GRHL1: variants seen among roughly 807,000 people sequenced by gnomAD.
GRHL1 encodes grainyhead-like protein 1 homolog.
GRHL1 carries 38 observed loss-of-function variants against 75.7 expected under a neutral mutation model. That is an observed-to-expected ratio of 0.50 (90% CI 0.39 to 0.66). The LOEUF (loss-of-function observed/expected upper bound fraction) is 0.66. GRHL1 is among the 30% of genes least tolerant of loss of function. The pLI is 0.00. For synonymous variants in GRHL1, 266 were observed against 279.4 expected, an observed-to-expected ratio of 0.95 and a Z score of 0.48; for missense variants, 589 against 767.5, an observed-to-expected ratio of 0.77 and a Z score of 2.75.
chr2:9,983,024 T>C (rs1264103845), intron 8 of GRHL1, among the ~76,000 whole-genome samples: 1 of 152,224 alleles, frequency 6.6e-6, no homozygotes, highest in East Asian at 1.9e-4. Flanking sequence ...TGCTTTGATG[T>C]TCAGACCTAA....
intron 12 of GRHL1, among the ~76,000 whole-genome samples, chr2:9,995,597 A>C (rs1668827463): frequency 1.4e-5 from 2 of 146,026 alleles, no homozygotes; most frequent in South Asian, 2.2e-4. Context: ...AAAAAAAAAA[A>C]AAAACCAAAG....
At chr2:9,967,156 T>C (rs2125215907) in intron 8 of GRHL1, among the ~76,000 whole-genome samples, 1 of 152,358 alleles carries the variant, frequency 6.6e-6, no homozygotes, top group East Asian at 1.9e-4. Context: ...CCATAAGTCC[T>C]GAGTTCCCTT....
chr2:9,961,535 A>G (rs1237527141), intron 4 of GRHL1, 99 bp downstream of exon 4: 6 of 1,176,018 alleles, frequency 5.1e-6, no homozygotes, highest in Admixed American at 5.0e-5. Context: ...TCAGCCTGAA[A>G]TGAATGGATT....
At chr2:9,963,497 A>G (rs1046571809) in intron 5 of GRHL1, among the ~76,000 whole-genome samples, 1 of 152,208 alleles carries the variant, frequency 6.6e-6, no homozygotes, top group African/African-American at 2.4e-5. Context: ...AATTACAAGT[A>G]GGAACAACAA....
In GRHL1 at chr2:9,965,299, A is replaced by G; in HGVS notation, c.1028A>G (p.Glu343Gly). 2 of 1,598,606 alleles carry G rather than the reference A, an allele frequency of 1.3e-6. No individual in the cohort carries two copies. Among genetic ancestry groups the G allele is most frequent in the South Asian group, 2.2e-5 (2 of 90,750 alleles). ...CCGCTTCCTGTAGCTGACTATAAAG[A>G]AAGCTTCAACACTATCAGTAACATC... Reference protein sequence around the residue: ...QRCIDIADYKESFNTISNIEE... With the variant: ...QRCIDIADYKGSFNTISNIEE... The change falls in exon 8 of 16, where the codon GAA becomes GGA. Residue 343 changes from glutamate (E) to glycine (G), a missense_variant. By Grantham distance (98) the Glu-to-Gly change is moderately conservative (BLOSUM62 -2). Around this residue, in one of 5 missense-constraint regions of GRHL1, gnomAD observed 362 missense variants for 461.8 expected, o/e 0.78. Transcript: ENST00000324907.
chr2:9,971,692 CTTTATAGGGAATGAATAGTCTTTAGAGTT>C (rs1211814499), intron 8 of GRHL1, among the ~76,000 whole-genome samples: 2 of 152,108 alleles, frequency 1.3e-5, no homozygotes, highest in East Asian at 1.9e-4. Flanking sequence ...AGTCACATTC[CTTTATAGGGAATGAATAGTCTTTAGAGTT>C]GTAGCTTGAC....
chr2:9,996,549 AT>A, intron 14 of GRHL1, 148 bp downstream of exon 14: 1 of 639,998 alleles, frequency 1.6e-6, no homozygotes, highest in Non-Finnish European at 2.8e-6. Context: ...TGCGTCCCAC[AT>A]TTTATCCTCA....
At chr2:9,973,587 T>C (rs1271138090) in intron 8 of GRHL1, among the ~76,000 whole-genome samples, 1 of 152,256 alleles carries the variant, frequency 6.6e-6, no homozygotes, top group African/African-American at 2.4e-5. Flanking sequence ...TCATTCTCTT[T>C]AGTGCTGTTG....
At chr2:9,961,666 C>T (rs1667281140) in intron 4 of GRHL1, among the ~76,000 whole-genome samples, 1 of 152,088 alleles carries the variant, frequency 6.6e-6, no homozygotes, top group African/African-American at 2.4e-5. Context: ...GCTGAGTTAA[C>T]AATTATGATT....
rs1572349400 is a variant in GRHL1 at position 9,968,257 on chromosome 2, T to C, written c.1110+2876T>C. Among the ~76,000 whole-genome samples, 1 of 152,268 alleles carries C rather than the reference T, an allele frequency of 6.6e-6. No individual in the cohort carries two copies. Among genetic ancestry groups the C allele is most frequent in the Non-Finnish European group, 1.5e-5 (1 of 68,044 alleles). The stretch of plus-strand genomic sequence containing the variant: ...CACTCCATTCATCACCATAAACATA[T>C]GTCTGCCATTGTCATGGAAACTTTC... On this transcript the variant is annotated intron_variant, in intron 8 of 15. Transcript: ENST00000324907. This position sits in a 1 kb window ranked among gnomAD's most constrained non-coding sequence, Gnocchi z 4.7.
In GRHL1 at chr2:9,990,926, C is replaced by T. The variant is rs930437762; in HGVS notation, c.1321+179C>T. ...CTCAGATCAGCAGCAGATGCCAGCT[C>T]AGCGGGAGGGGTTTTCCTGGGGACT... is the stretch of plus-strand genomic sequence containing the variant. On this transcript the variant is annotated intron_variant, in intron 10 of 15. Transcript: ENST00000324907. This position sits in a 1 kb window ranked among gnomAD's most constrained non-coding sequence, Gnocchi z 4.2. 1.4e-5 allele frequency among the ~76,000 whole-genome samples: 2 copies of T among 140,648 alleles called. No individual in the cohort carries two copies. The highest frequency in any genetic ancestry group is 5.4e-5 in the African/African-American group (2 of 36,896). The allele number at this position is 140,648 out of a possible 152,430, so 92.3% of individuals were successfully genotyped here.
chr2:9,980,432 A>G (rs972902460), intron 8 of GRHL1, among the ~76,000 whole-genome samples: 1 of 152,044 alleles, frequency 6.6e-6, no homozygotes, highest in East Asian at 1.9e-4. Flanking sequence ...AAAAAAAAAA[A>G]GAATTAAATA....
intron 8 of GRHL1, among the ~76,000 whole-genome samples, chr2:9,982,388 G>A (rs1172631682): frequency 6.6e-6 from 1 of 152,138 alleles, no homozygotes; most frequent in Non-Finnish European, 1.5e-5. Flanking sequence ...CTCGAATTTG[G>A]TAGGAAGCAC....
intron 5 of GRHL1, among the ~76,000 whole-genome samples, chr2:9,963,599 T>C (rs967516035): frequency 2.0e-5 from 3 of 152,232 alleles, no homozygotes; most frequent in Non-Finnish European, 4.4e-5. Flanking sequence ...ATTGGCAGCA[T>C]GTCTTGTGAG....
intron 5 of GRHL1, 87 bp downstream of exon 5, chr2:9,962,618 T>G (rs1210062305): frequency 1.3e-6 from 1 of 777,982 alleles, no homozygotes; most frequent in Non-Finnish European, 2.3e-6. Flanking sequence ...AAAGGTGGCT[T>G]TAGCAGGCTT....
chr2:9,956,586 G>A (rs1016128943), intron 2 of GRHL1, among the ~76,000 whole-genome samples: 1 of 152,146 alleles, frequency 6.6e-6, no homozygotes, highest in African/African-American at 2.4e-5. Flanking sequence ...CTAAGTTGGG[G>A]CTGAGGGATT....
At chr2:9,958,970 TTGGACTC>T in intron 3 of GRHL1, 114 bp downstream of exon 3, 1 of 1,444,062 alleles carries the variant, frequency 6.9e-7, no homozygotes, top group Non-Finnish European at 9.2e-7. Context: ...GATAGGTAAG[TTGGACTC>T]TTACTATCTA....
chr2:9,991,314 G>T (rs754221419), intron 10 of GRHL1, among the ~76,000 whole-genome samples: 1 of 152,008 alleles, frequency 6.6e-6, no homozygotes, highest in Non-Finnish European at 1.5e-5. Flanking sequence ...GTGCCTGTAG[G>T]GTTCCATCTG....
intron 8 of GRHL1, among the ~76,000 whole-genome samples, chr2:9,970,472 C>CA (rs1484151287): frequency 6.6e-6 from 1 of 152,228 alleles, no homozygotes; most frequent in Non-Finnish European, 1.5e-5. Context: ...AAGTCTTTAT[C>CA]AAACCTTCGG....
Sources: allele counts gnomAD v4.1 joint callset (sites outside exome capture counted in the v4.1 genomes callset), GRCh38; gene constraint gnomAD v4.1.1; regional missense constraint gnomAD v4.1.1; non-coding constraint Gnocchi (gnomAD v3.1); transcripts MANE v1.5; gene names NCBI Gene and HGNC (gene_info 2026-07-23, HGNC 2026-07-21).